RBFOX1: variants seen among roughly 807,000 people sequenced by gnomAD.
RBFOX1 encodes the protein RNA binding fox-1 homolog 1, also known as RNA binding protein fox-1 homolog 1.
Under a neutral mutation model 57.7 loss-of-function variants are expected in RBFOX1, and 8 were observed. That is an observed-to-expected ratio of 0.14 (90% CI 0.08 to 0.25). The LOEUF is 0.25. Among genes scored for constraint, RBFOX1 ranks in the 10% least tolerant of loss-of-function variants. The pLI is 1.00. For missense variants in RBFOX1, 611 were observed against 548.5 expected, an observed-to-expected ratio of 1.11 and a Z score of -1.14; for synonymous variants, 326 against 222.4, an observed-to-expected ratio of 1.47 and a Z score of -4.15.
chr16:6,549,242 GAGT>G, intron 2 of RBFOX1, among the ~76,000 whole-genome samples: 1 of 21,764 alleles, frequency 4.6e-5, no homozygotes, highest in Non-Finnish European at 9.9e-5. Flanking sequence ...GGGGAGGAGG[GAGT>G]AGGAGGAGGG....
At chr16:6,930,184 G>C (rs1312330202) in intron 3 of RBFOX1, among the ~76,000 whole-genome samples, 2 of 152,182 alleles carry the variant, frequency 1.3e-5, no homozygotes, top group African/African-American at 2.4e-5. Flanking sequence ...TCTTTGATAA[G>C]GGATTAATAT....
intron 2 of RBFOX1, among the ~76,000 whole-genome samples, chr16:5,561,456 C>A (rs925139084): frequency 1.3e-5 from 2 of 151,868 alleles, no homozygotes; most frequent in African/African-American, 4.8e-5. Flanking sequence ...CTCTTTCTTT[C>A]CTGCCTTATA....
At chr16:5,926,957 A>G (rs1558232) in intron 4 of RBFOX1, among the ~76,000 whole-genome samples, 41,609 of 152,072 alleles carry the variant, frequency 0.27, 6,753 homozygotes, top group Non-Finnish European at 0.38. Context: ...GAATGCGTGC[A>G]TTCACTATAA....
intron 4 of RBFOX1, among the ~76,000 whole-genome samples, chr16:7,321,497 A>G (rs546375623): frequency 1.4e-3 from 207 of 152,294 alleles, no homozygotes; most frequent in African/African-American, 4.6e-3. Context: ...GTGGAAAGGC[A>G]GCATAACATG....
intron 1 of RBFOX1, among the ~76,000 whole-genome samples, chr16:6,283,997 T>G (rs1326770150): frequency 2.6e-5 from 4 of 152,198 alleles, no homozygotes; most frequent in Non-Finnish European, 5.9e-5. Context: ...TTGATCTTAG[T>G]GAGCTGTGGA....
chr16:6,932,458 C>A (rs1016094106), intron 3 of RBFOX1, among the ~76,000 whole-genome samples: 1 of 152,186 alleles, frequency 6.6e-6, no homozygotes, highest in Admixed American at 6.5e-5. Flanking sequence ...TTGGCAGTTA[C>A]ATTTCAACCT....
At chr16:7,634,962 AC>A in intron 11 of RBFOX1, among the ~76,000 whole-genome samples, 1 of 152,290 alleles carries the variant, frequency 6.6e-6, no homozygotes, top group African/African-American at 2.4e-5. Context: ...AAACAATTCA[AC>A]CCCTTAACAG....
chr16:7,300,354 A>C (rs1398025470), intron 4 of RBFOX1, among the ~76,000 whole-genome samples: 2 of 152,210 alleles, frequency 1.3e-5, no homozygotes, highest in South Asian at 2.1e-4. Flanking sequence ...AGGTGTTTGA[A>C]CAAGCCAGTG....
intron 4 of RBFOX1, among the ~76,000 whole-genome samples, chr16:7,291,715 A>T (rs1468148274): frequency 6.6e-6 from 1 of 151,888 alleles, no homozygotes; most frequent in Non-Finnish European, 1.5e-5. Flanking sequence ...TCTGAAGTTC[A>T]TGATGATTCC....
chr16:6,880,237 G>T (rs1313855620), intron 3 of RBFOX1, among the ~76,000 whole-genome samples: 2 of 152,092 alleles, frequency 1.3e-5, no homozygotes, highest in African/African-American at 4.8e-5. Context: ...GTAGCAACAT[G>T]ACAAGAAGGG....
intron 3 of RBFOX1, among the ~76,000 whole-genome samples, chr16:5,721,445 G>A (rs868122450): frequency 1.3e-5 from 2 of 152,052 alleles, no homozygotes; most frequent in Non-Finnish European, 2.9e-5. Flanking sequence ...TTTCCAAGCC[G>A]GATGCCTTTT....
At chr16:6,537,869 A>T (rs1489665575) in intron 2 of RBFOX1, among the ~76,000 whole-genome samples, 1 of 151,958 alleles carries the variant, frequency 6.6e-6, no homozygotes, top group Non-Finnish European at 1.5e-5. Flanking sequence ...ATTTAAATTG[A>T]GTTAAATCAT....
At chr16:5,654,790 CCT>C (rs143669657) in intron 3 of RBFOX1, among the ~76,000 whole-genome samples, 104 of 148,176 alleles carry the variant, frequency 7.0e-4, no homozygotes, top group Non-Finnish European at 7.4e-4. Flanking sequence ...TTCCTTCTTT[CCT>C]CTCTCTCTCT....
chr16:6,797,186 C>G (rs1331758870), intron 3 of RBFOX1, among the ~76,000 whole-genome samples: 2 of 152,296 alleles, frequency 1.3e-5, no homozygotes, highest in East Asian at 3.9e-4. Context: ...AAGGATCAGT[C>G]TGAGTCGCCT....
chr16:6,650,939 G>A lies in RBFOX1; in HGVS notation c.-63-3664G>A, dbSNP rs373294117. Among the ~76,000 whole-genome samples, 21 of 152,186 alleles carry A rather than the reference G, an allele frequency of 1.4e-4. 1 individual carries two copies. The South Asian group carries it at 1.7e-3, about 12-fold the overall frequency. ...TTTTTTGGAAACAGAGTCTCACTTC[G>A]TTGCCCAGGCTGAAGTGCAATGGCA... On this transcript the variant is annotated intron_variant, in intron 2 of 15. Coordinates refer to ENST00000550418, the MANE Select transcript of RBFOX1 (RefSeq NM_018723.4).
At chr16:6,741,840 A>G (rs561162932) in intron 3 of RBFOX1, among the ~76,000 whole-genome samples, 38 of 152,302 alleles carry the variant, frequency 2.5e-4, no homozygotes, top group African/African-American at 8.9e-4. Context: ...GGAAGGGTAA[A>G]GGGTTAGAGA....
intron 15 of RBFOX1, chr16:7,709,704 G>A: frequency 8.9e-7 from 1 of 1,118,430 alleles, no homozygotes; most frequent in Non-Finnish European, 1.1e-6. Flanking sequence ...AGCTGGGTTT[G>A]GGGGTTGCCT....
chr16:7,515,891 C>T (rs982533563), intron 4 of RBFOX1, among the ~76,000 whole-genome samples: 3 of 152,108 alleles, frequency 2.0e-5, no homozygotes, highest in African/African-American at 7.2e-5. Flanking sequence ...GTGGCCCAGG[C>T]TGGAGTGCAG....
At position 5,971,210 on chromosome 16, in the gene RBFOX1, C is replaced by T. The variant is rs78528322; in HGVS notation, c.351+103875C>T. ...ACCAGACTTACTTATTATTTTTCCTCAAGGAATTTATATCACAGTGGTGAG... is the reference window on the plus strand; with the variant it reads ...ACCAGACTTACTTATTATTTTTCCTTAAGGAATTTATATCACAGTGGTGAG... On this transcript the variant is annotated intron_variant, in intron 4 of 19. Transcript: ENST00000641259. 8.5e-5 allele frequency among the ~76,000 whole-genome samples: 13 copies of T among 152,324 alleles called. No individual in the cohort carries two copies. The East Asian group carries it at 2.5e-3, about 29-fold the overall frequency.
Sources: gnomAD v4.1 joint callset for allele counts (sites outside exome capture counted in the v4.1 genomes callset) on GRCh38, gnomAD v4.1.1 for gene constraint, MANE v1.5 for transcripts, NCBI Gene and HGNC (gene_info 2026-07-23, HGNC 2026-07-21) for gene names.